ZNF48: variants seen among roughly 807,000 people sequenced by gnomAD.
ZNF48 encodes the protein zinc finger protein 553.
ZNF48 carries 20 observed loss-of-function variants against 40.0 expected under a neutral mutation model. The ratio of observed to expected loss-of-function variants is 0.50; its 90% CI spans 0.35 to 0.73. The LOEUF is 0.73. Among genes scored for constraint, ZNF48 ranks in the 30% least tolerant of loss-of-function variants. ZNF48 has a pLI of 0.01. For missense variants in ZNF48, 726 were observed against 851.9 expected (o/e 0.85, Z 1.84); for synonymous variants, 298 against 329.7 (o/e 0.90, Z 1.04).
At chr16:30,380,123 G>A in intron 1 of ZNF48, 1 of 1,086,428 alleles carries the variant, frequency 9.2e-7, no homozygotes, top group Non-Finnish European at 1.3e-6. Flanking sequence ...GAGATACTGG[G>A]TGGTCAGAGA....
chr16:30,385,915 T>C (rs748167000), intron 1 of ZNF48, among the ~76,000 whole-genome samples: 7 of 151,146 alleles, frequency 4.6e-5, no homozygotes, highest in South Asian at 2.1e-4. Context: ...TGCTTGAGGC[T>C]AGGAGTTCAA....
At chr16:30,388,101 G>C (rs1461293010) in intron 1 of ZNF48, among the ~76,000 whole-genome samples, 1 of 151,652 alleles carries the variant, frequency 6.6e-6, no homozygotes, top group Admixed American at 6.6e-5. Context: ...CAAGTAGCTG[G>C]GATTGATTAC....
chr16:30,381,655 G>A lies in ZNF48; in HGVS notation c.-16+3245G>A, dbSNP rs909229020. The A allele has an allele frequency of 8.4e-6, 13 of 1,542,344 alleles. No individual in the cohort carries two copies. In the African/African-American group the frequency reaches 1.5e-4, roughly 18 times the overall value. ...AGGGACCCAGTGGCCCTCTGAAACA[G>A]ACACCACCTTTTGAGATAGGGAGCC... On this transcript the variant is annotated intron_variant, in intron 1 of 2. Coordinates refer to the ZNF48 transcript ENST00000528032. The surrounding 1 kb of genome is among the most constrained non-coding windows in gnomAD (Gnocchi z 4.3).
intron 1 of ZNF48, among the ~76,000 whole-genome samples, chr16:30,389,209 C>T (rs1179483016): frequency 3.3e-5 from 5 of 151,300 alleles, no homozygotes; most frequent in East Asian, 2.0e-4. Context: ...CTGGCTGACA[C>T]GGTGAAACCC....
chr16:30,382,269 C>T lies in ZNF48; in HGVS notation c.-16+3859C>T. The T allele has an allele frequency of 6.2e-7, 1 of 1,613,664 alleles. No individual in the cohort carries two copies. The highest frequency in any genetic ancestry group is 8.5e-7 in the Non-Finnish European group (1 of 1,179,702). The stretch of plus-strand genomic sequence containing the variant: ...CTCCGCAGTTCCCTCTCCAAAACCC[C>T]CAGACCTGCCACCATTAGCGTGAAG... On this transcript the variant is annotated intron_variant, in intron 1 of 2. Coordinates refer to the ZNF48 transcript ENST00000528032. The surrounding 1 kb of genome is among the most constrained non-coding windows in gnomAD (Gnocchi z 4.8).
upstream of ZNF48, chr16:30,395,318 G>A (rs1567432688): frequency 4.4e-6 from 2 of 453,458 alleles, no homozygotes; most frequent in Non-Finnish European, 4.4e-6. The surrounding 1 kb of genome is among the most constrained non-coding windows in gnomAD (Gnocchi z 5.9). Flanking sequence ...GCTGCCGCCC[G>A]CCGGCCACAG....
chr16:30,382,115 A>G lies in ZNF48; in HGVS notation c.-16+3705A>G, dbSNP rs36102695. The stretch of plus-strand genomic sequence containing the variant: ...TACCACTGGCCTCTGGCACCTGGCG[A>G]TCCTCATAGAGGTTGGTGAGGAAGA... On this transcript the variant is annotated intron_variant, in intron 1 of 2. Transcript: ENST00000528032. This position sits in a 1 kb window ranked among gnomAD's most constrained non-coding sequence, Gnocchi z 4.8. 18 of 1,584,208 alleles carry G rather than the reference A, an allele frequency of 1.1e-5. No individual in the cohort carries two copies. In the African/African-American group the frequency reaches 2.3e-4, roughly 20 times the overall value.
At position 30,382,785 on chromosome 16, in the gene ZNF48, C is replaced by G. The variant is rs1393081901; in HGVS notation, c.-16+4375C>G. ...CTGGATTCCAAGTCCCACTGTAGCTCCATCATCGTGGTGAGACATGGGGTA... is the reference window on the plus strand; with the variant it reads ...CTGGATTCCAAGTCCCACTGTAGCTGCATCATCGTGGTGAGACATGGGGTA... On this transcript the variant is annotated intron_variant, in intron 1 of 2. Transcript: ENST00000528032. The surrounding 1 kb of genome is among the most constrained non-coding windows in gnomAD (Gnocchi z 4.8). 7.2e-6 allele frequency: 11 copies of G among 1,535,698 alleles called. No homozygotes were observed. In the Admixed American group the frequency reaches 2.2e-4, roughly 30 times the overall value.
chr16:30,390,037 T>C (rs1188885699), intron 1 of ZNF48, among the ~76,000 whole-genome samples: 1 of 151,648 alleles, frequency 6.6e-6, no homozygotes, highest in Non-Finnish European at 1.5e-5. Flanking sequence ...GCCAGGCTGG[T>C]CCCAAACTCC....
chr16:30,392,608 A>G (rs1443601243), upstream of ZNF48, among the ~76,000 whole-genome samples: 1 of 152,200 alleles, frequency 6.6e-6, no homozygotes, highest in Non-Finnish European at 1.5e-5. Flanking sequence ...CTTTACACAT[A>G]TTCATCCTCA....
chr16:30,381,169 C>G lies in ZNF48; in HGVS notation c.-16+2759C>G. The G allele has an allele frequency of 6.2e-7, 1 of 1,614,046 alleles. No homozygotes were observed. On this transcript the variant is annotated intron_variant, in intron 1 of 2. Transcript: ENST00000528032. The surrounding 1 kb of genome is among the most constrained non-coding windows in gnomAD (Gnocchi z 4.3). ...GGGTTTCCTGGGGCATCAGAGCATC[C>G]GCTTTGCCAATGACTGGGATGATGT...
Position 30,395,626 on chromosome 16 carries a change from G to A in ZNF48, c.-16+48G>A. 3 of 363,922 alleles carry A rather than the reference G, an allele frequency of 8.2e-6. No individual in the cohort carries two copies. Among genetic ancestry groups the A allele is most frequent in the Non-Finnish European group, 1.3e-5 (3 of 238,996 alleles). 22.5% of individuals were successfully genotyped at this position (363,922 alleles called of 1,614,324 possible). A position where few individuals can be genotyped will look rare whatever the true frequency, so the allele number is the denominator to read the frequency against. Reference sequence around the variant, plus strand: ...GGGAGGAGCAGCAGGTGCAGGGGCGGCCGGCGGCGCGGGCAGGGGGCACCG... The same window carrying A: ...GGGAGGAGCAGCAGGTGCAGGGGCGACCGGCGGCGCGGGCAGGGGGCACCG... On this transcript the variant is annotated intron_variant, in intron 1 of 2. Coordinates refer to ENST00000613509, the MANE Select transcript of ZNF48 (RefSeq NM_001214909.2). This position sits in a 1 kb window ranked among gnomAD's most constrained non-coding sequence, Gnocchi z 5.9.
Position 30,395,891 on chromosome 16 carries a change from G to A in ZNF48, c.79+18G>A, listed in dbSNP as rs2049980401. ...CCGCACAGGTGAGGGCCTCGGCCGT[G>A]CGCCGCCACGGACAGGTAACGGCCG... On this transcript the variant is annotated intron_variant, in intron 2 of 2. Transcript: ENST00000613509. This position sits in a 1 kb window ranked among gnomAD's most constrained non-coding sequence, Gnocchi z 5.9. 5 of 1,514,792 alleles carry A rather than the reference G, an allele frequency of 3.3e-6. No individual in the cohort carries two copies. In the African/African-American group the frequency reaches 6.9e-5, roughly 21 times the overall value. 93.8% of individuals were successfully genotyped at this position (1,514,792 alleles called of 1,614,324 possible). A position where few individuals can be genotyped will look rare whatever the true frequency, so the allele number is the denominator to read the frequency against.
At chr16:30,392,891 GTTTC>G (rs931649927), upstream of ZNF48, among the ~76,000 whole-genome samples, 4 of 152,242 alleles carry the variant, frequency 2.6e-5, no homozygotes, top group South Asian at 6.2e-4. Context: ...TCCCTGAAGA[GTTTC>G]TTTATTTCCA....
In ZNF48 at chr16:30,380,082, G is replaced by T; in HGVS notation, c.-16+1672G>T. 3.4e-6 allele frequency: 5 copies of T among 1,469,202 alleles called. No homozygotes were observed. In the South Asian group the frequency reaches 6.2e-5, roughly 18 times the overall value. The allele number at this position is 1,469,202 out of a possible 1,614,324, so 91.0% of individuals were successfully genotyped here. A position where few individuals can be genotyped will look rare whatever the true frequency, so the allele number is the denominator to read the frequency against. Reference sequence around the variant, plus strand: ...CAGTGTGAAACGGGCCACAATGACAGACATTTCATGACCAGAGACAGTGAG... The same window carrying T: ...CAGTGTGAAACGGGCCACAATGACATACATTTCATGACCAGAGACAGTGAG... On this transcript the variant is annotated intron_variant, in intron 1 of 2. Transcript: ENST00000528032.
intron 1 of ZNF48, among the ~76,000 whole-genome samples, chr16:30,385,123 T>C (rs2049890441): frequency 6.6e-6 from 1 of 151,232 alleles, no homozygotes; most frequent in South Asian, 2.1e-4. Context: ...TGCGGTGAGC[T>C]GAGATTGTGC....
rs750328205 is a variant in ZNF48, at chr16:30,378,544, G to T, written c.-16+134G>T. On this transcript the variant is annotated intron_variant, in intron 1 of 2. Transcript: ENST00000528032. ...AGCTGTGCAGGGCGAGATTGCAGGC[G>T]GTGACCTGGCGAAGCCAGAGGGGGA... The T allele has an allele frequency of 2.5e-5, 40 of 1,601,128 alleles. No homozygotes were observed. The Middle Eastern group carries it at 5.0e-4, about 20-fold the overall frequency.
intron 1 of ZNF48, among the ~76,000 whole-genome samples, chr16:30,383,770 T>C (rs561558520): frequency 6.6e-6 from 1 of 152,368 alleles, no homozygotes; most frequent in South Asian, 2.1e-4. Flanking sequence ...TCTCTCACTC[T>C]TCCAAACGTC....
At position 30,378,589 on chromosome 16, in the gene ZNF48, G is replaced by T. The variant is rs370036422; in HGVS notation, c.-16+179G>T. ...GGGGGACCTGGGGCATCGGTCGGGG[G>T]GAAGCGAGGTGCGTGCTCACCTCTT... On this transcript the variant is annotated intron_variant, in intron 1 of 2. Transcript: ENST00000528032. 8 of 1,610,676 alleles carry T rather than the reference G, an allele frequency of 5.0e-6. No homozygotes were observed. The African/African-American group carries it at 1.1e-4, about 22-fold the overall frequency.
Sources: gnomAD v4.1 joint callset for allele counts (sites outside exome capture counted in the v4.1 genomes callset) on GRCh38, gnomAD v4.1.1 for gene constraint, Gnocchi (gnomAD v3.1) non-coding constraint, MANE v1.5 for transcripts, NCBI Gene and HGNC (gene_info 2026-07-23, HGNC 2026-07-21) for gene names.